COX10: variants seen among roughly 807,000 people sequenced by gnomAD.
COX10 encodes cytochrome c oxidase assembly factor heme A:farnesyltransferase COX10.
In COX10, 27 loss-of-function variants were observed where a neutral mutation model predicts 37.3. The observed-to-expected ratio is 0.72, with a 90% CI of 0.53 to 1.00. The LOEUF (loss-of-function observed/expected upper bound fraction) is 1.00, where lower values mean the gene tolerates loss of function less well. Ranked by LOEUF, COX10 falls within the 50% of genes least tolerant of loss-of-function variation. The pLI, the probability that COX10 is intolerant of heterozygous loss-of-function variation, is 0.00. For synonymous variants in COX10, 222 were observed against 229.1 expected, an observed-to-expected ratio of 0.97 and a Z score of 0.28; for missense variants, 475 against 563.2, an observed-to-expected ratio of 0.84 and a Z score of 1.59.
intron 3 of COX10, among the ~76,000 whole-genome samples, chr17:14,090,453 T>C (rs1469819412): frequency 1.3e-5 from 2 of 152,150 alleles, no homozygotes; most frequent in East Asian, 1.9e-4. Flanking sequence ...TTAAAAAATA[T>C]ATTAAATAAG....
At chr17:14,166,785 C>CTTTCTTTTTTTTT (rs1905299526) in intron 5 of COX10, among the ~76,000 whole-genome samples, 1 of 100,258 alleles carries the variant, frequency 1.0e-5, no homozygotes, top group African/African-American at 3.7e-5. Context: ...CTATTTCTTT[C>CTTTCTTTTTTTTT]TTTTTTTTTT....
intron 6 of COX10, among the ~76,000 whole-genome samples, chr17:14,200,533 C>A (rs1234904651): frequency 1.3e-5 from 2 of 152,144 alleles, no homozygotes; most frequent in African/African-American, 4.8e-5. Flanking sequence ...GTGCCCTTCT[C>A]CATTTTCTGA....
intron 5 of COX10, among the ~76,000 whole-genome samples, chr17:14,190,651 AT>A (rs910480723): frequency 1.3e-5 from 2 of 152,058 alleles, no homozygotes; most frequent in African/African-American, 4.8e-5. Context: ...GGTGGCCAGA[AT>A]TCTCCATCAA....
At position 14,207,451 on chromosome 17, in the gene COX10, G is replaced by T; in HGVS notation, c.*238G>T. Reference sequence around the variant, plus strand: ...AAAGGAATTATTTTTCCCTTTGAGGGTCTTTATACATCTCTCCTCCAACCC... The same window carrying T: ...AAAGGAATTATTTTTCCCTTTGAGGTTCTTTATACATCTCTCCTCCAACCC... On this transcript the variant is annotated 3_prime_UTR_variant, in exon 7 of 7. Transcript: ENST00000261643. The T allele has an allele frequency of 3.5e-6, 2 of 563,716 alleles. No individual in the cohort carries two copies. Among genetic ancestry groups the T allele is most frequent in the South Asian group, 2.5e-5 (1 of 40,310 alleles). The allele number at this position is 563,716 out of a possible 1,614,324, so 34.9% of individuals were successfully genotyped here.
At chr17:14,104,373 A>G (rs781085752) in intron 4 of COX10, among the ~76,000 whole-genome samples, 1 of 152,148 alleles carries the variant, frequency 6.6e-6, no homozygotes, top group Non-Finnish European at 1.5e-5. Context: ...ATGCAAAATC[A>G]TTTTTATTAG....
At chr17:14,103,795 G>A (rs1915836119) in intron 4 of COX10, among the ~76,000 whole-genome samples, 1 of 152,244 alleles carries the variant, frequency 6.6e-6, no homozygotes, top group African/African-American at 2.4e-5. Context: ...CCAAGGTTTT[G>A]GAAATTTTAA....
At chr17:14,110,883 A>G (rs1915994083) in intron 4 of COX10, among the ~76,000 whole-genome samples, 1 of 152,096 alleles carries the variant, frequency 6.6e-6, no homozygotes, top group East Asian at 1.9e-4. Context: ...TAATTTGTGA[A>G]CATTTCGATG....
intron 4 of COX10, among the ~76,000 whole-genome samples, chr17:14,152,485 T>G (rs1276144873): frequency 6.6e-6 from 1 of 152,034 alleles, no homozygotes; most frequent in African/African-American, 2.4e-5. Context: ...ATTATGGGAG[T>G]ACAATTCAAG....
chr17:14,087,887 T>G (rs1915447277), intron 3 of COX10, among the ~76,000 whole-genome samples: 1 of 152,060 alleles, frequency 6.6e-6, no homozygotes, highest in Non-Finnish European at 1.5e-5. Context: ...CTTGCTACAC[T>G]GTGTGAAGCC....
chr17:14,149,251 A>G (rs1001187472), intron 4 of COX10, among the ~76,000 whole-genome samples: 3 of 152,020 alleles, frequency 2.0e-5, no homozygotes, highest in African/African-American at 7.2e-5. Flanking sequence ...AATACTTACT[A>G]TGTTTATATC....
At chr17:14,157,047 A>G (rs952136082) in intron 4 of COX10, among the ~76,000 whole-genome samples, 2 of 152,244 alleles carry the variant, frequency 1.3e-5, no homozygotes, top group Non-Finnish European at 2.9e-5. Context: ...GAATTCCAAT[A>G]AAACTTTGTT....
chr17:14,152,159 T>C (rs750938189), intron 4 of COX10, among the ~76,000 whole-genome samples: 3 of 152,134 alleles, frequency 2.0e-5, no homozygotes, highest in Non-Finnish European at 2.9e-5. Context: ...CTATGCAGGA[T>C]ATAAGGGCTG....
At chr17:14,191,085 C>A (rs1906186179) in intron 5 of COX10, among the ~76,000 whole-genome samples, 1 of 151,884 alleles carries the variant, frequency 6.6e-6, no homozygotes, top group Admixed American at 6.6e-5. Context: ...GCTTGAGTAA[C>A]CTCCTTAGGT....
At chr17:14,119,428 T>C (rs1916182640) in intron 4 of COX10, among the ~76,000 whole-genome samples, 1 of 152,114 alleles carries the variant, frequency 6.6e-6, no homozygotes, top group Non-Finnish European at 1.5e-5. Context: ...GATACAATGG[T>C]AGGCAAAAAA....
chr17:14,172,413 A>G (rs1176198279), intron 5 of COX10, among the ~76,000 whole-genome samples: 1 of 152,018 alleles, frequency 6.6e-6, no homozygotes, highest in African/African-American at 2.4e-5. Context: ...CTGCATCCTC[A>G]TCAACATCTT....
chr17:14,137,957 T>C (rs760612158), intron 4 of COX10, among the ~76,000 whole-genome samples: 1 of 151,282 alleles, frequency 6.6e-6, no homozygotes, highest in Non-Finnish European at 1.5e-5. Context: ...TCAGTTTTTT[T>C]TTTTTTTTTT....
intron 4 of COX10, among the ~76,000 whole-genome samples, chr17:14,147,789 A>T (rs1212862918): frequency 2.3e-5 from 3 of 133,184 alleles, no homozygotes; most frequent in Non-Finnish European, 4.9e-5. Flanking sequence ...AAAACAATTT[A>T]AAAAAAATTT....
chr17:14,198,110 A>G (rs944631389), intron 6 of COX10, among the ~76,000 whole-genome samples: 88 of 152,172 alleles, frequency 5.8e-4, no homozygotes, highest in African/African-American at 2.0e-3. Flanking sequence ...GCTTGTTGTC[A>G]CAGGAACTGC....
intron 4 of COX10, among the ~76,000 whole-genome samples, chr17:14,120,110 G>A (rs1916198739): frequency 6.6e-6 from 1 of 152,182 alleles, no homozygotes; most frequent in African/African-American, 2.4e-5. Flanking sequence ...CTCCTAGGGT[G>A]TAGCTTACAA....
Sources: gnomAD v4.1 joint callset for allele counts (sites outside exome capture counted in the v4.1 genomes callset) on GRCh38, gnomAD v4.1.1 for gene constraint, MANE v1.5 for transcripts, NCBI Gene and HGNC (gene_info 2026-07-23, HGNC 2026-07-21) for gene names.